Variants in ARL16 observed in about 807,000 individuals in gnomAD.
ARL16 encodes ARF like GTPase 16.
A neutral mutation model predicts 14.1 loss-of-function variants in ARL16; 21 were observed. That is an observed-to-expected ratio of 1.48 (90% CI 1.05 to 2.14). The LOEUF (loss-of-function observed/expected upper bound fraction) is 2.14. Ranked by LOEUF, ARL16 falls within the 30% of genes most tolerant of loss-of-function variation. The pLI is 0.00. For synonymous variants in ARL16, 122 were observed against 91.8 expected, an observed-to-expected ratio of 1.33 and a Z score of -1.88; for missense variants, 248 against 222.0, an observed-to-expected ratio of 1.12 and a Z score of -0.74.
chr17:81,683,400 T>TC, intron 2 of ARL16, 136 bp downstream of exon 2: 2 of 1,205,204 alleles, frequency 1.7e-6, no homozygotes, highest in Non-Finnish European at 2.2e-6. Context: ...GCTCGGGCCG[T>TC]CCCCCGCTCC....
chr17:81,683,230 C>G (rs1207442924), intron 2 of ARL16, 104 bp from the exon 3 acceptor site: 2 of 1,089,068 alleles, frequency 1.8e-6, no homozygotes, highest in Non-Finnish European at 2.7e-6. Flanking sequence ...CTGAACCCCG[C>G]AGACCCATTC....
rs1481102543 is a variant in ARL16 at position 81,683,759 on chromosome 17, G to C, written c.-6C>G. On this transcript the variant is annotated 5_prime_UTR_variant, in exon 1 of 5. Transcript: ENST00000622299. ...GCCCCCAGCAGGAGACACATTCCGT[G>C]CTTCGCTCCACCCGGCACCCGTAGC... 1.9e-6 allele frequency: 3 copies of C among 1,607,602 alleles called. No individual in the cohort carries two copies. Among genetic ancestry groups the C allele is most frequent in the Admixed American group, 3.3e-5 (2 of 59,764 alleles).
Position 81,683,610 on chromosome 17 carries a change from G to C in ARL16, c.62-16C>G, listed in dbSNP as rs767643532. ...GAGCTCACCTGTGCGAAGCGGTCAA[G>C]GACCCGAGCAGCTAAAGGGTGAGTC... On this transcript the variant is annotated splice_polypyrimidine_tract_variant and intron_variant, in intron 1 of 4. Coordinates refer to ENST00000622299, the MANE Select transcript of ARL16 (RefSeq NM_001040025.3). 6.3e-7 allele frequency: 1 copy of C among 1,598,454 alleles called. No individual in the cohort carries two copies. The highest frequency in any genetic ancestry group is 1.7e-5 in the Admixed American group (1 of 58,482).
Position 81,681,234 on chromosome 17 carries a change from C to T in ARL16, c.*474G>A, listed in dbSNP as rs113839917. 2,723 of 152,916 alleles carry T rather than the reference C, an allele frequency of 0.018. 29 individuals are homozygous for T. The highest frequency in any genetic ancestry group is 0.024 in the Non-Finnish European group (1,668 of 68,516). The allele number at this position is 152,916 out of a possible 1,614,324, so 9.5% of individuals were successfully genotyped here. A position where few individuals can be genotyped will look rare whatever the true frequency, so the allele number is the denominator to read the frequency against. On this transcript the variant is annotated 3_prime_UTR_variant, in exon 5 of 5. Transcript: ENST00000622299. Reference sequence around the variant, plus strand: ...TTATATTTTTTAAGACGGAGTTTCACTCTTGTTGCCCAGGTGCAGTGCAAT... The same window carrying T: ...TTATATTTTTTAAGACGGAGTTTCATTCTTGTTGCCCAGGTGCAGTGCAAT...
In ARL16 at chr17:81,682,072, T is replaced by C. The variant is rs1449620598; in HGVS notation, c.312A>G (p.Gln104=). ...VQLLGLLSAE[Q]LAEASVLILF... Reference sequence around the variant, plus strand: ...GTATCAGCACCGATGCTTCTGCAAGTTGTTCTGCAGAAAGGAGACCTAAGA... The same window carrying C: ...GTATCAGCACCGATGCTTCTGCAAGCTGTTCTGCAGAAAGGAGACCTAAGA... Residue 104 remains glutamine, a synonymous_variant, in exon 4 of 5, where the codon CAA becomes CAG. Coordinates refer to ENST00000622299, the MANE Select transcript of ARL16 (RefSeq NM_001040025.3). 1.2e-6 allele frequency: 2 copies of C among 1,613,108 alleles called. No individual in the cohort carries two copies. Among genetic ancestry groups the C allele is most frequent in the South Asian group, 2.2e-5 (2 of 91,034 alleles).
chr17:81,681,509 C>T lies in ARL16; in HGVS notation c.*199G>A. 1 of 657,452 alleles carries T rather than the reference C, an allele frequency of 1.5e-6. No homozygotes were observed. The highest frequency in any genetic ancestry group is 2.4e-6 in the Non-Finnish European group (1 of 410,198). The allele number at this position is 657,452 out of a possible 1,614,324, so 40.7% of individuals were successfully genotyped here. The stretch of plus-strand genomic sequence containing the variant: ...AGCCACCATGCCTAGCCCCTGGGGA[C>T]ACTTTTTTCAGAGGCCAGATGTCAA... On this transcript the variant is annotated 3_prime_UTR_variant, in exon 5 of 5. Transcript: ENST00000622299.
chr17:81,681,903 C>G (rs1168333897), intron 4 of ARL16, 24 bp from the exon 5 acceptor site: 1 of 1,605,064 alleles, frequency 6.2e-7, no homozygotes, highest in Non-Finnish European at 8.5e-7. Context: ...GGTGCCCCAT[C>G]AGAGCAGTGG....
intron 3 of ARL16, chr17:81,682,759 C>G: frequency 1.9e-6 from 1 of 538,604 alleles, no homozygotes; most frequent in Non-Finnish European, 3.3e-6. Flanking sequence ...AGGGCCAAGT[C>G]TGTTCTCTGC....
rs187925740 is a variant in ARL16, at chr17:81,682,801, T to C, written c.234+212A>G. 5 of 584,632 alleles carry C rather than the reference T, an allele frequency of 8.6e-6. No individual in the cohort carries two copies. In the Admixed American group the frequency reaches 1.6e-4, roughly 18 times the overall value. 36.2% of individuals were successfully genotyped at this position (584,632 alleles called of 1,614,324 possible). On this transcript the variant is annotated intron_variant, in intron 3 of 4. Transcript: ENST00000622299. ...GCAGCCCTGCCCTCAGCAAGCCCTCTGTGAGCTCCTACCGGGGGCCTGGGA... is the reference window on the plus strand; with the variant it reads ...GCAGCCCTGCCCTCAGCAAGCCCTCCGTGAGCTCCTACCGGGGGCCTGGGA...
At position 81,681,879 on chromosome 17, in the gene ARL16, G is replaced by A. The variant is rs576807310; in HGVS notation, c.351C>T (p.Ile117=). 39 of 1,611,314 alleles carry A rather than the reference G, an allele frequency of 2.4e-5. No individual in the cohort carries two copies. In the East Asian group the frequency reaches 5.8e-4, roughly 24 times the overall value. The change falls in exon 5 of 5, where the codon ATC becomes ATT. Residue 117 remains isoleucine, a splice_region_variant and synonymous_variant. Transcript: ENST00000622299. ...EASVLILFNK[I]DLPCYMSTEE... is the part of the protein sequence containing the mutation. ...CCGTGGACATGTAACAGGGTAGGTCGCTGGAGAGAAAGAGGTGCCCCATCA... is the reference window on the plus strand; with the variant it reads ...CCGTGGACATGTAACAGGGTAGGTCACTGGAGAGAAAGAGGTGCCCCATCA...
chr17:81,683,685 A>G lies in ARL16; in HGVS notation c.61+8T>C, dbSNP rs776885646. 7.5e-6 allele frequency: 12 copies of G among 1,601,192 alleles called. No individual in the cohort carries two copies. In the African/African-American group the frequency reaches 1.6e-4, roughly 22 times the overall value. The stretch of plus-strand genomic sequence containing the variant: ...GCGCCCCGGTCCCGTCCCCGCGCGG[A>G]AGGATATCCTGCAGCCGTTTCACCA... On this transcript the variant is annotated splice_region_variant and intron_variant, in intron 1 of 4. Transcript: ENST00000622299.
intron 4 of ARL16, 34 bp from the exon 5 acceptor site, chr17:81,681,913 G>C (rs2036852798): frequency 6.3e-7 from 1 of 1,597,674 alleles, no homozygotes; most frequent in South Asian, 1.1e-5. Flanking sequence ...CAGAGCAGTG[G>C]CAGCCACACA....
intron 3 of ARL16, 140 bp from the exon 4 acceptor site, chr17:81,682,289 T>C: frequency 3.2e-6 from 2 of 617,948 alleles, no homozygotes; most frequent in South Asian, 4.6e-5. Flanking sequence ...TCGCTCCGAG[T>C]GCAGTGGCAC....
At position 81,683,764 on chromosome 17, in the gene ARL16, G is replaced by C; in HGVS notation, c.-11C>G. The C allele has an allele frequency of 1.2e-6, 2 of 1,607,102 alleles. No individual in the cohort carries two copies. The highest frequency in any genetic ancestry group is 1.1e-5 in the South Asian group (1 of 90,926). On this transcript the variant is annotated 5_prime_UTR_variant, in exon 1 of 5. Transcript: ENST00000622299. ...CAGCAGGAGACACATTCCGTGCTTC[G>C]CTCCACCCGGCACCCGTAGCTCGGC... is the stretch of plus-strand genomic sequence containing the variant.
At position 81,683,723 on chromosome 17, in the gene ARL16, C is replaced by T. The variant is rs771043178; in HGVS notation, c.31G>A (p.Gly11Arg). The T allele has an allele frequency of 1.1e-5, 17 of 1,607,214 alleles. No individual in the cohort carries two copies. The highest frequency in any genetic ancestry group is 2.2e-5 in the East Asian group (1 of 44,682). The change falls in exon 1 of 5, where the codon GGG (glycine) becomes AGG (arginine). Residue 11 changes from glycine (G) to arginine (R), a missense_variant. Gly to Arg is a moderately radical substitution (Grantham distance 125). Transcript: ENST00000622299. Reference protein sequence around the residue: MCLLLGATGVGKTLLVKRLQE... With the variant: MCLLLGATGVRKTLLVKRLQE... ...AGCCGTTTCACCAGCAGCGTCTTCC[C>T]GACGCCCGTGGCCCCCAGCAGGAGA...
intron 3 of ARL16, 33 bp downstream of exon 3, chr17:81,682,980 C>A: frequency 1.3e-6 from 2 of 1,580,876 alleles, no homozygotes; most frequent in Non-Finnish European, 1.7e-6. Flanking sequence ...GACACACTTC[C>A]CTAAAGGAAG....
In ARL16 at chr17:81,681,739, C is replaced by T; in HGVS notation, c.491G>A (p.Trp164Ter). 3 of 1,608,174 alleles carry T rather than the reference C, an allele frequency of 1.9e-6. No homozygotes were observed. In the South Asian group the frequency reaches 3.3e-5, roughly 18 times the overall value. The change falls in exon 5 of 5, where the codon TGG becomes TAG. Residue 164 changes from tryptophan (W) to a stop codon, truncating the protein, a stop_gained. Coordinates refer to ENST00000622299, the MANE Select transcript of ARL16 (RefSeq NM_001040025.3). LOFTEE classifies it high-confidence loss of function. ...GTTGGCTCTGTGGGTGGCCTGGAGC[C>T]AGGCCAGCACCCCTGCTAAGCCAGT... Reference protein sequence around the residue: ...EGTGLAGVLAWLQATHRAND With the variant: ...EGTGLAGVLA
chr17:81,683,793 GC>G lies in ARL16; in HGVS notation c.-41del. The G allele has an allele frequency of 1.2e-6, 2 of 1,605,102 alleles. No individual in the cohort carries two copies. The highest frequency in any genetic ancestry group is 1.7e-6 in the Non-Finnish European group (2 of 1,179,554). Reference sequence around the variant, plus strand: ...CACCCGGCACCCGTAGCTCGGCGCCGCGGCTCAAGGCCCGCCCACCGGCCAC... The same window carrying G: ...CACCCGGCACCCGTAGCTCGGCGCCGGGCTCAAGGCCCGCCCACCGGCCAC... On this transcript the variant is annotated 5_prime_UTR_variant, in exon 1 of 5. Transcript: ENST00000622299.
In ARL16 at chr17:81,682,161, GAA is replaced by G. The variant is rs773891057; in HGVS notation, c.235-14_235-13del. The G allele has an allele frequency of 1.3e-6, 2 of 1,583,206 alleles. No individual in the cohort carries two copies. Among genetic ancestry groups the G allele is most frequent in the Admixed American group, 1.8e-5 (1 of 54,772 alleles). ...GCGTCCATCACAAACTGGGGAAAAA[GAA>G]AAAGACAGCAGCAATGCCCCGCTGC... is the stretch of plus-strand genomic sequence containing the variant. On this transcript the variant is annotated splice_polypyrimidine_tract_variant and intron_variant, in intron 3 of 4. Coordinates refer to ENST00000622299, the MANE Select transcript of ARL16 (RefSeq NM_001040025.3).
Sources: gnomAD v4.1 joint callset for allele counts on GRCh38, gnomAD v4.1.1 for gene constraint, MANE v1.5 for transcripts, NCBI Gene and HGNC (gene_info 2026-07-23, HGNC 2026-07-21) for gene names.